The following FGF14 variants were observed in gnomAD, a reference collection of about 807,000 sequenced individuals.
FGF14 encodes fibroblast growth factor 14, also known as fibroblast growth factor homologous factor 4.
In FGF14, 5 loss-of-function variants were observed where a neutral mutation model predicts 25.5. The ratio of observed to expected loss-of-function variants is 0.20; its 90% CI spans 0.10 to 0.41. The LOEUF (loss-of-function observed/expected upper bound fraction) is 0.41, where lower values mean the gene tolerates loss of function less well. FGF14 is among the 10% of genes least tolerant of loss of function. FGF14 has a pLI of 1.00. For missense variants in FGF14, 222 were observed against 320.1 expected, an observed-to-expected ratio of 0.69 and a Z score of 2.34; for synonymous variants, 138 against 118.3, an observed-to-expected ratio of 1.17 and a Z score of -1.08.
chr13:101,902,532 G>A (rs1344208925), intron 1 of FGF14, among the ~76,000 whole-genome samples: 2 of 152,098 alleles, frequency 1.3e-5, no homozygotes, highest in African/African-American at 4.8e-5. Context: ...AGCCAATAGT[G>A]ATGCAGCCAA....
At chr13:101,863,057 T>G (rs2044506121) in intron 3 of FGF14, among the ~76,000 whole-genome samples, 1 of 152,136 alleles carries the variant, frequency 6.6e-6, no homozygotes, top group African/African-American at 2.4e-5. Context: ...TGTGTCTATG[T>G]GTATATATAT....
intron 3 of FGF14, among the ~76,000 whole-genome samples, chr13:101,767,644 T>C (rs1316493876): frequency 6.6e-6 from 1 of 152,192 alleles, no homozygotes; most frequent in Non-Finnish European, 1.5e-5. Context: ...ATCAGACAGA[T>C]AGCAATATCT....
intron 1 of FGF14, among the ~76,000 whole-genome samples, chr13:102,159,010 T>C (rs2047495456): frequency 6.6e-6 from 1 of 151,222 alleles, no homozygotes; most frequent in Non-Finnish European, 1.5e-5. Flanking sequence ...TATGGTGGCA[T>C]GCACCTGTAA....
chr13:102,236,675 G>A (rs2051340979), intron 1 of FGF14, among the ~76,000 whole-genome samples: 1 of 152,142 alleles, frequency 6.6e-6, no homozygotes, highest in African/African-American at 2.4e-5. Context: ...TCTGGAATAG[G>A]AGTTAGAAAT....
At chr13:101,781,855 ATAAT>A (rs1222735690) in intron 3 of FGF14, among the ~76,000 whole-genome samples, 3 of 152,252 alleles carry the variant, frequency 2.0e-5, no homozygotes, top group African/African-American at 7.2e-5. Context: ...GATAAGATAA[ATAAT>A]TAAATGAATG....
At position 102,200,944 on chromosome 13, in the gene FGF14, C is replaced by T. The variant is rs573880622; in HGVS notation, c.208+200527G>A. Among the ~76,000 whole-genome samples, 350 of 151,300 alleles carry T rather than the reference C, an allele frequency of 2.3e-3. 1 individual carries two copies. Among genetic ancestry groups the T allele is most frequent in the Non-Finnish European group, 4.0e-3 (270 of 67,724 alleles). On this transcript the variant is annotated intron_variant, in intron 1 of 4. Coordinates refer to the FGF14 transcript ENST00000376131. ...GGTGAAACCCCGTCTCTACTAAAAA[C>T]ACAAAAAATTAGCCAGGCGTGGTGG...
chr13:102,047,976 TAGA>T (rs1566617666), intron 1 of FGF14, among the ~76,000 whole-genome samples: 3 of 151,926 alleles, frequency 2.0e-5, no homozygotes, highest in Non-Finnish European at 4.4e-5. Flanking sequence ...CCAGTTCCTT[TAGA>T]AGGAGACTTT....
At chr13:102,198,972 T>C (rs1240452835) in intron 1 of FGF14, among the ~76,000 whole-genome samples, 1 of 152,196 alleles carries the variant, frequency 6.6e-6, no homozygotes, top group Non-Finnish European at 1.5e-5. Flanking sequence ...CCAATATCCT[T>C]ATGTCTAAAT....
At chr13:101,785,590 ATCTG>A (rs930623459) in intron 3 of FGF14, among the ~76,000 whole-genome samples, 12 of 152,122 alleles carry the variant, frequency 7.9e-5, no homozygotes, top group East Asian at 1.9e-4. Flanking sequence ...AAACTACATT[ATCTG>A]TCTATCACCT....
chr13:102,117,234 A>C (rs2045514205), intron 1 of FGF14, among the ~76,000 whole-genome samples: 1 of 152,080 alleles, frequency 6.6e-6, no homozygotes. Flanking sequence ...TGGCTTTTCC[A>C]AATGTCTTGT....
At chr13:102,376,425 A>G (rs914244315) in intron 1 of FGF14, among the ~76,000 whole-genome samples, 1 of 152,184 alleles carries the variant, frequency 6.6e-6, no homozygotes, top group Non-Finnish European at 1.5e-5. Context: ...ATAAGAACAG[A>G]CTAATACAAC....
intron 1 of FGF14, among the ~76,000 whole-genome samples, chr13:102,150,185 G>A (rs1041797031): frequency 3.3e-5 from 5 of 151,938 alleles, no homozygotes; most frequent in South Asian, 2.1e-4. Context: ...TTTGAATCTC[G>A]ACCTCAGAGA....
chr13:102,396,388 T>G (rs2058584768), intron 1 of FGF14, among the ~76,000 whole-genome samples: 2 of 152,224 alleles, frequency 1.3e-5, no homozygotes, highest in South Asian at 4.1e-4. Context: ...GAATAAATGC[T>G]TCCATTTTGA....
intron 3 of FGF14, among the ~76,000 whole-genome samples, chr13:101,800,032 T>C (rs1443695044): frequency 6.6e-6 from 1 of 152,134 alleles, no homozygotes; most frequent in African/African-American, 2.4e-5. Context: ...CCCTACCTAC[T>C]TCTCCACAGA....
chr13:101,886,868 T>C (rs1232881413), intron 1 of FGF14, among the ~76,000 whole-genome samples: 1 of 151,930 alleles, frequency 6.6e-6, no homozygotes, highest in Non-Finnish European at 1.5e-5. Flanking sequence ...CAAACCCCAT[T>C]TAAAAATGGA....
intron 1 of FGF14, among the ~76,000 whole-genome samples, chr13:102,304,018 A>G (rs535388997): frequency 6.6e-6 from 1 of 152,262 alleles, no homozygotes; most frequent in South Asian, 2.1e-4. Flanking sequence ...TTAGCCCTCA[A>G]AAGTTGGTTG....
Position 101,868,732 on chromosome 13 carries a change from T to A in FGF14, c.401A>T (p.Tyr134Phe), listed in dbSNP as rs370656178. 6.2e-7 allele frequency: 1 copy of A among 1,601,120 alleles called. No homozygotes were observed. ...CTTTGGCGTCTTACTTACTGATGGG[T>A]AGAGGTAACCTTCTCCATTCATGGC... Reference protein sequence around the residue: ...YIAMNGEGYLYPSELFTPECK... With the variant: ...YIAMNGEGYLFPSELFTPECK... The change falls in exon 3 of 5, where the codon TAC becomes TTC. Residue 134 changes from tyrosine to phenylalanine, a missense_variant. By Grantham distance (22) the Tyr-to-Phe change is conservative. Transcript: ENST00000376143.
chr13:102,023,676 T>C (rs907410232), intron 1 of FGF14, among the ~76,000 whole-genome samples: 3 of 152,098 alleles, frequency 2.0e-5, no homozygotes, highest in Admixed American at 1.3e-4. Flanking sequence ...GGGCAATTCA[T>C]ATCAATGGAA....
intron 1 of FGF14, among the ~76,000 whole-genome samples, chr13:101,944,059 A>C (rs1047388626): frequency 6.6e-6 from 1 of 151,526 alleles, no homozygotes; most frequent in Non-Finnish European, 1.5e-5. Context: ...TCAGCAGACA[A>C]TTATGGTTGT....
Sources: allele counts gnomAD v4.1 joint callset (sites outside exome capture counted in the v4.1 genomes callset), GRCh38; gene constraint gnomAD v4.1.1; transcripts MANE v1.5; gene names NCBI Gene and HGNC (gene_info 2026-07-23, HGNC 2026-07-21).